The following AUTS2 variants were observed in gnomAD, a reference collection of about 807,000 sequenced individuals.
AUTS2 encodes activator of transcription and developmental regulator AUTS2.
In AUTS2, 17 loss-of-function variants were observed where a neutral mutation model predicts 112.4. The observed-to-expected ratio is 0.15, with a 90% CI of 0.10 to 0.23. AUTS2 has a LOEUF of 0.23. Ranked by LOEUF, AUTS2 falls within the 10% of genes least tolerant of loss-of-function variation. AUTS2 has a pLI of 1.00. For missense variants in AUTS2, 1,510 were observed against 1,701.6 expected (o/e 0.89, Z 1.98); for synonymous variants, 751 against 702.7 (o/e 1.07, Z -1.09).
intron 5 of AUTS2, among the ~76,000 whole-genome samples, chr7:70,450,651 G>C (rs929131604): frequency 3.3e-5 from 5 of 152,174 alleles, no homozygotes; most frequent in African/African-American, 1.2e-4. Context: ...AAGCCACTGG[G>C]TACCTTATGT....
intron 6 of AUTS2, among the ~76,000 whole-genome samples, chr7:70,761,108 G>A (rs1230095350): frequency 2.0e-5 from 3 of 152,158 alleles, no homozygotes; most frequent in African/African-American, 4.8e-5. Context: ...GAATTCCAAG[G>A]AATAATGGCA....
chr7:70,619,125 C>T (rs1240212103), intron 5 of AUTS2, among the ~76,000 whole-genome samples: 9 of 152,142 alleles, frequency 5.9e-5, no homozygotes, highest in African/African-American at 1.9e-4. Context: ...TTCCAGCAGA[C>T]CTTCCCCCCC....
chr7:70,225,654 T>C (rs960107981), intron 4 of AUTS2, among the ~76,000 whole-genome samples: 1 of 152,194 alleles, frequency 6.6e-6, no homozygotes. Flanking sequence ...AAAAATGTTA[T>C]ATGTAGCAAA....
chr7:69,882,320 A>G (rs745769808), intron 1 of AUTS2, among the ~76,000 whole-genome samples: 3 of 152,248 alleles, frequency 2.0e-5, no homozygotes, highest in Non-Finnish European at 4.4e-5. Context: ...TGTAATAAAT[A>G]AGTAAATAAT....
At chr7:70,091,962 G>A (rs1803943923) in intron 2 of AUTS2, among the ~76,000 whole-genome samples, 2 of 151,954 alleles carry the variant, frequency 1.3e-5, no homozygotes, top group African/African-American at 4.8e-5. Flanking sequence ...CAAGTAGGGG[G>A]GATTATACTC....
At chr7:70,692,763 C>G (rs1314366650) in intron 5 of AUTS2, among the ~76,000 whole-genome samples, 4 of 147,220 alleles carry the variant, frequency 2.7e-5, no homozygotes, top group Admixed American at 6.7e-5. Flanking sequence ...GCACCCCCAC[C>G]TTTTTTTTTT....
At chr7:69,743,956 C>G (rs771601279) in intron 1 of AUTS2, among the ~76,000 whole-genome samples, 3 of 150,756 alleles carry the variant, frequency 2.0e-5, no homozygotes, top group Non-Finnish European at 4.4e-5. Context: ...TGCCACCTTG[C>G]TAGGCTAATT....
At chr7:69,768,587 GA>G (rs1788530197) in intron 1 of AUTS2, among the ~76,000 whole-genome samples, 1 of 152,304 alleles carries the variant, frequency 6.6e-6, no homozygotes, top group East Asian at 1.9e-4. Flanking sequence ...GAGTGAGCAG[GA>G]AAACCTTGTG....
intron 5 of AUTS2, among the ~76,000 whole-genome samples, chr7:70,626,755 A>G (rs1465675529): frequency 2.0e-5 from 3 of 152,148 alleles, no homozygotes; most frequent in Non-Finnish European, 4.4e-5. Flanking sequence ...TACAAATGAC[A>G]GCATTCAGTA....
intron 4 of AUTS2, among the ~76,000 whole-genome samples, chr7:70,171,725 C>T (rs1808698749): frequency 6.6e-6 from 1 of 152,168 alleles, no homozygotes; most frequent in Non-Finnish European, 1.5e-5. Context: ...TTCATTTGTT[C>T]CTTCCCCATG....
intron 5 of AUTS2, among the ~76,000 whole-genome samples, chr7:70,543,624 C>A (rs1800647479): frequency 6.6e-6 from 1 of 152,136 alleles, no homozygotes; most frequent in South Asian, 2.1e-4. Flanking sequence ...TAAGCTGGCC[C>A]ACCACTACCT....
chr7:70,785,962 T>C lies in AUTS2; in HGVS notation c.2232T>C (p.Phe744=). Residue 744 remains phenylalanine (F), a synonymous_variant, in exon 17 of 19, where the codon TTT becomes TTC. Coordinates refer to ENST00000342771, the MANE Select transcript of AUTS2 (RefSeq NM_015570.4). ...TCCCCATCTTGTTTGCAGAGCCTTT[T>C]AATCGGCCGTCTACATTCACAGGCC... The part of the protein sequence containing the change: ...FLNPAAHLEP[F]NRPSTFTGLA... 6.2e-7 allele frequency: 1 copy of C among 1,613,958 alleles called. No homozygotes were observed. The highest frequency in any genetic ancestry group is 1.1e-5 in the South Asian group (1 of 91,066).
intron 5 of AUTS2, among the ~76,000 whole-genome samples, chr7:70,585,289 G>C (rs1349603276): frequency 1.3e-5 from 2 of 152,302 alleles, no homozygotes; most frequent in South Asian, 2.1e-4. Context: ...TAGTCCTCTG[G>C]GGGGTGCTGT....
In AUTS2 at chr7:70,763,275, C is replaced by T. The variant is rs368899085; in HGVS notation, c.1148C>T (p.Ser383Phe). ...QNLPPVQAHPSAQSLSQPLSA... is the reference protein window; with the variant it reads ...QNLPPVQAHPFAQSLSQPLSA... ...CTCCCACCTGTGCAGGCCCACCCCTCTGCTCAGAGCCTCTCCCAGCCATTG... is the reference window on the plus strand; with the variant it reads ...CTCCCACCTGTGCAGGCCCACCCCTTTGCTCAGAGCCTCTCCCAGCCATTG... The change falls in exon 7 of 19, where the codon TCT becomes TTT. Residue 383 changes from serine (S) to phenylalanine (F), a missense_variant. Ser to Phe is a radical substitution (Grantham distance 155). This residue lies in a region of AUTS2 where 535 missense variants were observed against 594.3 expected (regional missense o/e 0.90). Coordinates refer to ENST00000342771, the MANE Select transcript of AUTS2 (RefSeq NM_015570.4). 17 of 1,610,608 alleles carry T rather than the reference C, an allele frequency of 1.1e-5. No individual in the cohort carries two copies. Among genetic ancestry groups the T allele is most frequent in the Non-Finnish European group, 1.4e-5 (17 of 1,177,994 alleles).
At chr7:70,662,151 C>T (rs2129542975) in intron 5 of AUTS2, among the ~76,000 whole-genome samples, 2 of 152,352 alleles carry the variant, frequency 1.3e-5, no homozygotes, top group South Asian at 4.1e-4. Context: ...GAAAGTTGGC[C>T]CCGAGTGGGA....
intron 5 of AUTS2, among the ~76,000 whole-genome samples, chr7:70,449,517 G>A (rs140740790): frequency 1.2e-3 from 178 of 152,242 alleles, no homozygotes; most frequent in African/African-American, 4.0e-3. Context: ...AGAGAACCCA[G>A]AAAGTTAGGA....
At chr7:70,567,272 C>T (rs868454836) in intron 5 of AUTS2, among the ~76,000 whole-genome samples, 5 of 152,180 alleles carry the variant, frequency 3.3e-5, no homozygotes, top group Non-Finnish European at 7.3e-5. Context: ...GTTCTTCAAA[C>T]TCTATTTCTT....
chr7:70,181,082 T>A (rs1425978658), intron 4 of AUTS2, among the ~76,000 whole-genome samples: 5 of 152,212 alleles, frequency 3.3e-5, no homozygotes, highest in Non-Finnish European at 5.9e-5. Flanking sequence ...TGTGCTTTTT[T>A]AACTTTTTAA....
chr7:70,746,052 C>A (rs182551363), intron 6 of AUTS2, among the ~76,000 whole-genome samples: 1 of 152,124 alleles, frequency 6.6e-6, no homozygotes, highest in African/African-American at 2.4e-5. Flanking sequence ...TGGAAGGCAT[C>A]GTGTGCAGAA....
Sources: allele counts gnomAD v4.1 joint callset (sites outside exome capture counted in the v4.1 genomes callset), GRCh38; gene constraint gnomAD v4.1.1; regional missense constraint gnomAD v4.1.1; transcripts MANE v1.5; gene names NCBI Gene and HGNC (gene_info 2026-07-23, HGNC 2026-07-21).